Variants in RLF observed in about 807,000 individuals in gnomAD.
The protein encoded by RLF is RLF zinc finger.
A neutral mutation model predicts 162.9 loss-of-function variants in RLF; 7 were observed. The ratio of observed to expected loss-of-function variants is 0.04; its 90% CI spans 0.02 to 0.08. The LOEUF (loss-of-function observed/expected upper bound fraction) is 0.08, where lower values mean the gene tolerates loss of function less well. Ranked by LOEUF, RLF falls within the 10% of genes least tolerant of loss-of-function variation. The pLI is 1.00. For synonymous variants in RLF, 782 were observed against 791.5 expected (o/e 0.99, Z 0.20); for missense variants, 1,664 against 2,244.7 (o/e 0.74, Z 5.23).
intron 1 of RLF, among the ~76,000 whole-genome samples, chr1:40,166,640 G>A (rs978801558): frequency 6.6e-6 from 1 of 152,024 alleles, no homozygotes; most frequent in African/African-American, 2.4e-5. Flanking sequence ...TTAAGAAAAT[G>A]TGGCACATGT....
rs780159699 is a variant in RLF, at chr1:40,201,439, CA to C, written c.608-971del. ...AGGAGATCGAGACCATCCTGGCTAA[CA>C]ACGGTGAAACCCCGTCTCTACTAAA... On this transcript the variant is annotated intron_variant, in intron 4 of 7. Coordinates refer to ENST00000372771, the MANE Select transcript of RLF (RefSeq NM_012421.4). 8.6e-5 allele frequency among the ~76,000 whole-genome samples: 13 copies of C among 151,704 alleles called. 1 individual carries two copies. Among genetic ancestry groups the C allele is most frequent in the East Asian group, 3.9e-4 (2 of 5,124 alleles).
At position 40,238,725 on chromosome 1, in the gene RLF, G is replaced by A. The variant is rs761961600; in HGVS notation, c.4023G>A (p.Gln1341=). ...CTGTACATCAGTACAACAAAGAACA[G>A]TTATGTTTGGAGAAAGACAAAGCAA... The part of the protein sequence containing the change: ...YRTVHQYNKE[Q]LCLEKDKART... The change falls in exon 8 of 8, where the codon CAG becomes CAA. Residue 1341 remains glutamine, a synonymous_variant. Transcript: ENST00000372771. The surrounding 1 kb of genome is among the most constrained non-coding windows in gnomAD (Gnocchi z 5.2). 6.2e-7 allele frequency: 1 copy of A among 1,613,814 alleles called. No homozygotes were observed. The highest frequency in any genetic ancestry group is 1.7e-5 in the Admixed American group (1 of 59,970).
intron 3 of RLF, among the ~76,000 whole-genome samples, chr1:40,193,863 A>G (rs934334911): frequency 6.6e-6 from 1 of 152,186 alleles, no homozygotes; most frequent in African/African-American, 2.4e-5. Flanking sequence ...AGTGAATACT[A>G]AACTATATTC....
chr1:40,185,846 A>AGC, intron 1 of RLF, among the ~76,000 whole-genome samples: 5 of 32,380 alleles, frequency 1.5e-4, no homozygotes, highest in Admixed American at 7.7e-4. Flanking sequence ...AAAAAAGCAA[A>AGC]AAAAAAAAAA....
At chr1:40,189,917 C>T (rs1642533888) in intron 2 of RLF, among the ~76,000 whole-genome samples, 1 of 152,202 alleles carries the variant, frequency 6.6e-6, no homozygotes, top group Admixed American at 6.5e-5. Context: ...GATACAACAG[C>T]CAATCAGTTT....
intron 3 of RLF, 67 bp downstream of exon 3, chr1:40,190,920 C>A: frequency 1.1e-6 from 1 of 927,020 alleles, no homozygotes; most frequent in Non-Finnish European, 1.7e-6. Context: ...TCCCAGCAAA[C>A]TAAAATTGGA....
intron 1 of RLF, among the ~76,000 whole-genome samples, chr1:40,166,249 A>AT (rs1336138194): frequency 6.6e-6 from 1 of 152,072 alleles, no homozygotes; most frequent in Non-Finnish European, 1.5e-5. Context: ...TAGGGACTTC[A>AT]TGATACACAC....
At chr1:40,228,539 T>C (rs1346759752) in intron 6 of RLF, among the ~76,000 whole-genome samples, 1 of 150,790 alleles carries the variant, frequency 6.6e-6, no homozygotes, top group Admixed American at 6.6e-5. Context: ...GCCAAGATCA[T>C]GCCATTGCAC....
chr1:40,238,559 A>G lies in RLF; in HGVS notation c.3857A>G (p.Glu1286Gly), dbSNP rs144749993. ...GSHREEQEGR[E>G]GRGSRRTVAK... ...CATAGAGAAGAACAAGAAGGAAGAG[A>G]GGGCAGAGGTAGCAGGCGAACTGTT... is the stretch of plus-strand genomic sequence containing the variant. Residue 1286 changes from glutamate (E) to glycine (G), a missense_variant, in exon 8 of 8, where the codon GAG becomes GGG. Transcript: ENST00000372771. This position sits in a 1 kb window ranked among gnomAD's most constrained non-coding sequence, Gnocchi z 5.2. 2.5e-5 allele frequency: 41 copies of G among 1,613,842 alleles called. No individual in the cohort carries two copies. In the African/African-American group the frequency reaches 5.2e-4, roughly 20 times the overall value.
intron 5 of RLF, among the ~76,000 whole-genome samples, chr1:40,209,481 C>A (rs918848680): frequency 6.6e-6 from 1 of 152,146 alleles, no homozygotes; most frequent in African/African-American, 2.4e-5. Context: ...TAGGGAGGAT[C>A]CGTCGAAGTC....
chr1:40,175,518 A>G (rs1362045367), intron 1 of RLF, among the ~76,000 whole-genome samples: 1 of 151,962 alleles, frequency 6.6e-6, no homozygotes, highest in African/African-American at 2.4e-5. Flanking sequence ...GCGTGGTGGC[A>G]GGTGCCTGTA....
intron 5 of RLF, among the ~76,000 whole-genome samples, chr1:40,221,917 A>AAAAAAAAAAAAAAAAAAAAAAGAGAGAG (rs1486982312): frequency 6.7e-6 from 1 of 150,284 alleles, no homozygotes; most frequent in African/African-American, 2.5e-5. Flanking sequence ...AAAAAAAAAA[A>AAAAAAAAAAAAAAAAAAAAAAGAGAGAG]AGAGAAAGGA....
intron 1 of RLF, among the ~76,000 whole-genome samples, chr1:40,166,896 C>T (rs1215922774): frequency 2.6e-5 from 4 of 151,478 alleles, no homozygotes; most frequent in Admixed American, 2.0e-4. Flanking sequence ...GGAGATATAC[C>T]TAATGTAAAT....
Position 40,238,521 on chromosome 1 carries a change from A to G in RLF, c.3819A>G (p.Ser1273=), listed in dbSNP as rs1284402799. 1 of 1,613,828 alleles carries G rather than the reference A, an allele frequency of 6.2e-7. No homozygotes were observed. Residue 1273 remains serine (S), a synonymous_variant, in exon 8 of 8, where the codon TCA becomes TCG. Coordinates refer to ENST00000372771, the MANE Select transcript of RLF (RefSeq NM_012421.4). This position sits in a 1 kb window ranked among gnomAD's most constrained non-coding sequence, Gnocchi z 5.2. ...ETESKTSDIS[S]PIGSHREEQE... ...AAAGTAAAACATCTGACATTTCATC[A>G]CCAATAGGCAGCCATAGAGAAGAAC...
rs895455745 is a variant in RLF at position 40,221,899 on chromosome 1, C to CAAAAAAA, written c.811-662_811-656dup. Among the ~76,000 whole-genome samples the CAAAAAAA allele has an allele frequency of 1.4e-3, 90 of 65,030 alleles. 6 individuals carry two copies. The highest frequency in any genetic ancestry group is 4.5e-3 in the African/African-American group (76 of 16,756). The allele number at this position is 65,030 out of a possible 152,430, so 42.7% of individuals were successfully genotyped here. A position where few individuals can be genotyped will look rare whatever the true frequency, so the allele number is the denominator to read the frequency against. On this transcript the variant is annotated intron_variant, in intron 5 of 7. Transcript: ENST00000372771. ...TGGGCGACACAGCGAGACTCCGTCTCAAAAAAAAAAAAAAAAAAAGAGAAA... is the reference window on the plus strand; with the variant it reads ...TGGGCGACACAGCGAGACTCCGTCTCAAAAAAAAAAAAAAAAAAAAAAAAAAGAGAAA...
At chr1:40,170,204 A>G (rs762708340) in intron 1 of RLF, among the ~76,000 whole-genome samples, 12 of 151,824 alleles carry the variant, frequency 7.9e-5, no homozygotes, top group Admixed American at 5.9e-4. Flanking sequence ...GCCTGCCACT[A>G]GTTTTAATTA....
At chr1:40,203,492 G>A (rs533137395) in intron 5 of RLF, among the ~76,000 whole-genome samples, 20 of 151,568 alleles carry the variant, frequency 1.3e-4, no homozygotes, top group African/African-American at 4.6e-4. Flanking sequence ...GCAGTGCATC[G>A]AGATCGTGCC....
Position 40,161,592 on chromosome 1 carries a change from G to C in RLF, c.193G>C (p.Val65Leu). 1 of 1,613,316 alleles carries C rather than the reference G, an allele frequency of 6.2e-7. No individual in the cohort carries two copies. Among genetic ancestry groups the C allele is most frequent in the Non-Finnish European group, 8.5e-7 (1 of 1,179,642 alleles). Residue 65 changes from valine to leucine, a missense_variant, in exon 1 of 8, where the codon GTG (valine) becomes CTG (leucine). This residue lies in a region of RLF where 134 missense variants were observed against 124.3 expected (regional missense o/e 1.08). Transcript: ENST00000372771. The surrounding 1 kb of genome is among the most constrained non-coding windows in gnomAD (Gnocchi z 4.4). Reference sequence around the variant, plus strand: ...GGAGACAGAGCTGAGGGAGCAAGAGGTGTCGGAGGTCTCATCTTTGAACTA... The same window carrying C: ...GGAGACAGAGCTGAGGGAGCAAGAGCTGTCGGAGGTCTCATCTTTGAACTA... ...QLETELREQE[V>L]SEVSSLNYCR...
rs952821409 is a variant in RLF, at chr1:40,193,060, T to C, written c.474+2207T>C. Among the ~76,000 whole-genome samples, 14 of 149,624 alleles carry C rather than the reference T, an allele frequency of 9.4e-5. No individual in the cohort carries two copies. The Admixed American group carries it at 9.4e-4, about 10-fold the overall frequency. On this transcript the variant is annotated intron_variant, in intron 3 of 7. Coordinates refer to ENST00000372771, the MANE Select transcript of RLF (RefSeq NM_012421.4). ...TGTGGTTGTGCCTTTAATTGACCAA[T>C]GTCTTGCTATTTACTGTAAATGGTG...
Sources: gnomAD v4.1 joint callset for allele counts (sites outside exome capture counted in the v4.1 genomes callset) on GRCh38, gnomAD v4.1.1 for gene constraint, gnomAD v4.1.1 regional missense constraint, Gnocchi (gnomAD v3.1) non-coding constraint, MANE v1.5 for transcripts, NCBI Gene and HGNC (gene_info 2026-07-23, HGNC 2026-07-21) for gene names.